TMEM232: variants seen among roughly 807,000 people sequenced by gnomAD.
The protein encoded by TMEM232 is transmembrane protein 232.
TMEM232 carries 80 observed loss-of-function variants against 78.8 expected under a neutral mutation model. The observed-to-expected ratio is 1.01, with a 90% CI of 0.85 to 1.22. TMEM232 has a LOEUF of 1.22. Among genes scored for constraint, TMEM232 ranks in the 50% most tolerant of loss-of-function variants. TMEM232 has a pLI of 0.00. For synonymous variants in TMEM232, 297 were observed against 254.3 expected, an observed-to-expected ratio of 1.17 and a Z score of -1.60; for missense variants, 881 against 742.2, an observed-to-expected ratio of 1.19 and a Z score of -2.17.
At chr5:110,559,418 A>T (rs1158067617) in intron 11 of TMEM232, among the ~76,000 whole-genome samples, 2 of 152,162 alleles carry the variant, frequency 1.3e-5, no homozygotes, top group Non-Finnish European at 1.5e-5. Context: ...TAAAAAGTAG[A>T]AGAAAATATT....
chr5:110,567,503 A>C (rs988163984), intron 11 of TMEM232, among the ~76,000 whole-genome samples: 6 of 151,786 alleles, frequency 4.0e-5, no homozygotes, highest in African/African-American at 1.5e-4. Flanking sequence ...TTAATGTGTT[A>C]TTACCAAAAT....
chr5:110,465,279 T>C (rs1200142453), intron 12 of TMEM232, among the ~76,000 whole-genome samples: 1 of 152,214 alleles, frequency 6.6e-6, no homozygotes. Context: ...CAGCTTTCTG[T>C]TTGTCACTGG....
intron 11 of TMEM232, among the ~76,000 whole-genome samples, chr5:110,534,082 C>A (rs1020774551): frequency 6.6e-6 from 1 of 152,152 alleles, no homozygotes; most frequent in East Asian, 1.9e-4. Context: ...TGCCCCAAGT[C>A]AGGAAACTAA....
intron 10 of TMEM232, among the ~76,000 whole-genome samples, chr5:110,581,219 A>G (rs1348922629): frequency 6.6e-6 from 1 of 152,052 alleles, no homozygotes; most frequent in African/African-American, 2.4e-5. Context: ...AGCAATCCTA[A>G]GCAAAGAGAA....
At chr5:110,456,307 C>T (rs1376562985) in intron 12 of TMEM232, among the ~76,000 whole-genome samples, 1 of 151,638 alleles carries the variant, frequency 6.6e-6, no homozygotes, top group Non-Finnish European at 1.5e-5. Context: ...AGATATACAA[C>T]AACAAAAACA....
intron 3 of TMEM232, among the ~76,000 whole-genome samples, chr5:110,391,996 G>T (rs1755214383): frequency 6.6e-6 from 1 of 152,138 alleles, no homozygotes; most frequent in South Asian, 2.1e-4. Context: ...TATGGCATAT[G>T]CATTGTTACC....
chr5:110,635,519 A>T (rs1785684448), intron 5 of TMEM232, among the ~76,000 whole-genome samples: 1 of 152,030 alleles, frequency 6.6e-6, no homozygotes, highest in Admixed American at 6.6e-5. Context: ...GGGAATCAAG[A>T]ATGATTCAAC....
At chr5:110,664,424 C>T (rs76881594) in intron 2 of TMEM232, among the ~76,000 whole-genome samples, 2,305 of 152,126 alleles carry the variant, frequency 0.015, 50 homozygotes, top group African/African-American at 0.051. Context: ...TTCATATTCA[C>T]GTATATTAAA....
intron 10 of TMEM232, among the ~76,000 whole-genome samples, chr5:110,598,545 T>A (rs1051725453): frequency 1.3e-5 from 2 of 152,088 alleles, no homozygotes; most frequent in African/African-American, 4.8e-5. Context: ...CATGCTGCTA[T>A]AAAGACATAT....
At chr5:110,490,137 G>C (rs1354861075) in intron 12 of TMEM232, among the ~76,000 whole-genome samples, 1 of 98,878 alleles carries the variant, frequency 1.0e-5, no homozygotes. Flanking sequence ...AAGAAAGAAA[G>C]AAAGAAAGAA....
At chr5:110,689,141 G>C (rs1380098975) in intron 1 of TMEM232, among the ~76,000 whole-genome samples, 1 of 151,924 alleles carries the variant, frequency 6.6e-6, no homozygotes, top group African/African-American at 2.4e-5. Flanking sequence ...CCTTAACTTT[G>C]GCAAATAAAT....
intron 10 of TMEM232, among the ~76,000 whole-genome samples, chr5:110,576,304 A>G (rs1259976638): frequency 6.6e-6 from 1 of 152,112 alleles, no homozygotes; most frequent in Non-Finnish European, 1.5e-5. Context: ...AAAGAATGAA[A>G]TACCAAGGAA....
At position 110,647,990 on chromosome 5, in the gene TMEM232, T is replaced by C. The variant is rs543160002; in HGVS notation, c.126-5619A>G. Among the ~76,000 whole-genome samples the C allele has an allele frequency of 1.8e-3, 269 of 152,088 alleles. 2 individuals are homozygous for C. The highest frequency in any genetic ancestry group is 6.1e-3 in the African/African-American group (254 of 41,526). On this transcript the variant is annotated intron_variant, in intron 2 of 13. Transcript: ENST00000455884. ...AAATGAATTAGAAAGTATAAGAGAA[T>C]GAAAAGGCAAAATTTTAAGTGGTAG...
chr5:110,656,621 C>T (rs1387515766), intron 2 of TMEM232, among the ~76,000 whole-genome samples: 6 of 152,050 alleles, frequency 3.9e-5, no homozygotes, highest in Non-Finnish European at 7.4e-5. Flanking sequence ...GGGAGGATCA[C>T]GAGGTCAGGA....
At chr5:110,647,291 G>A (rs1448014853) in intron 2 of TMEM232, among the ~76,000 whole-genome samples, 1 of 151,856 alleles carries the variant, frequency 6.6e-6, no homozygotes, top group Non-Finnish European at 1.5e-5. Flanking sequence ...ATCTTGTCAA[G>A]ACTTACAGTG....
intron 2 of TMEM232, among the ~76,000 whole-genome samples, chr5:110,734,013 T>C (rs1296399927): frequency 1.3e-5 from 2 of 152,226 alleles, no homozygotes; most frequent in African/African-American, 4.8e-5. Flanking sequence ...AGATAAAATT[T>C]CTCTTACACA....
intron 1 of TMEM232, among the ~76,000 whole-genome samples, chr5:110,705,221 G>T (rs1208148933): frequency 2.0e-5 from 3 of 152,084 alleles, no homozygotes; most frequent in Non-Finnish European, 4.4e-5. Context: ...TATCAAACAT[G>T]TCTTATCAAC....
chr5:110,692,428 C>T (rs1580688225), intron 1 of TMEM232, among the ~76,000 whole-genome samples: 1 of 152,294 alleles, frequency 6.6e-6, no homozygotes, highest in East Asian at 1.9e-4. Flanking sequence ...GGGTTCATCT[C>T]ACTGGGGAGT....
chr5:110,537,895 AC>A (rs1331134952), intron 11 of TMEM232, among the ~76,000 whole-genome samples: 1 of 152,148 alleles, frequency 6.6e-6, no homozygotes. Flanking sequence ...CATTCTAGCA[AC>A]CTGTTGCACC....
Sources: allele counts gnomAD v4.1 joint callset (sites outside exome capture counted in the v4.1 genomes callset), GRCh38; gene constraint gnomAD v4.1.1; transcripts MANE v1.5; gene names NCBI Gene and HGNC (gene_info 2026-07-23, HGNC 2026-07-21).